Variants in CMSS1 observed in about 807,000 individuals in gnomAD.
CMSS1 encodes protein CMSS1.
In CMSS1, 33 loss-of-function variants were observed where a neutral mutation model predicts 43.5. The ratio of observed to expected loss-of-function variants is 0.76; its 90% CI spans 0.57 to 1.01. The LOEUF is 1.01. Ranked by LOEUF, CMSS1 falls within the 50% of genes least tolerant of loss-of-function variation. CMSS1 has a pLI of 0.00. For synonymous variants in CMSS1, 115 were observed against 117.2 expected, an observed-to-expected ratio of 0.98 and a Z score of 0.12; for missense variants, 313 against 326.4, an observed-to-expected ratio of 0.96 and a Z score of 0.32.
At chr3:99,893,108 A>G (rs1706137924) in intron 1 of CMSS1, among the ~76,000 whole-genome samples, 1 of 151,044 alleles carries the variant, frequency 6.6e-6, no homozygotes, top group African/African-American at 2.4e-5. Flanking sequence ...TTTTTAGAAG[A>G]CACCTTTCTG....
At chr3:100,128,872 A>T (rs2066683649) in intron 1 of CMSS1, among the ~76,000 whole-genome samples, 2 of 152,256 alleles carry the variant, frequency 1.3e-5, no homozygotes, top group African/African-American at 4.8e-5. Context: ...CTACTGTATG[A>T]ATATGCCATC....
At chr3:99,897,691 A>G (rs940354596) in intron 1 of CMSS1, among the ~76,000 whole-genome samples, 1 of 152,180 alleles carries the variant, frequency 6.6e-6, no homozygotes, top group African/African-American at 2.4e-5. Flanking sequence ...GGAAGCAATG[A>G]GGTTCTGAGC....
chr3:100,061,811 C>G (rs2065571518), intron 1 of CMSS1, among the ~76,000 whole-genome samples: 1 of 152,178 alleles, frequency 6.6e-6, no homozygotes, highest in Non-Finnish European at 1.5e-5. Context: ...ATATCAGAGG[C>G]AAGATTTGAA....
intron 1 of CMSS1, among the ~76,000 whole-genome samples, chr3:100,064,773 A>G (rs1275787364): frequency 1.3e-5 from 2 of 152,146 alleles, no homozygotes; most frequent in Non-Finnish European, 2.9e-5. Flanking sequence ...GTTGCTGTCT[A>G]CTACATGAGA....
At chr3:100,081,520 A>G (rs1260547065) in intron 1 of CMSS1, among the ~76,000 whole-genome samples, 1 of 152,176 alleles carries the variant, frequency 6.6e-6, no homozygotes, top group Non-Finnish European at 1.5e-5. Flanking sequence ...ATCTCTGTGG[A>G]TAGCTCAGGG....
chr3:100,039,904 C>T lies in CMSS1; in HGVS notation c.65-107069C>T, dbSNP rs2065175276. 2.0e-5 allele frequency: 3 copies of T among 152,190 alleles called. No homozygotes were observed. In the South Asian group the frequency reaches 6.2e-4, roughly 31 times the overall value. The allele number at this position is 152,190 out of a possible 1,614,324, so 9.4% of individuals were successfully genotyped here. A position where few individuals can be genotyped will look rare whatever the true frequency, so the allele number is the denominator to read the frequency against. On this transcript the variant is annotated intron_variant, in intron 1 of 9. Coordinates refer to ENST00000421999, the MANE Select transcript of CMSS1 (RefSeq NM_032359.4). Reference sequence around the variant, plus strand: ...GAGTAGCTGGGACTACAGACGCCCGCCACCATGCCCGGCTAATTTTTTGTA... The same window carrying T: ...GAGTAGCTGGGACTACAGACGCCCGTCACCATGCCCGGCTAATTTTTTGTA...
At chr3:100,136,727 G>A (rs1439087873) in intron 1 of CMSS1, among the ~76,000 whole-genome samples, 1 of 152,202 alleles carries the variant, frequency 6.6e-6, no homozygotes, top group Admixed American at 6.5e-5. Context: ...AGGATAAAGT[G>A]AGAACAGGCA....
chr3:99,887,873 C>CT (rs1481697325), intron 1 of CMSS1, among the ~76,000 whole-genome samples: 2 of 152,058 alleles, frequency 1.3e-5, no homozygotes, highest in Non-Finnish European at 2.9e-5. Context: ...TCCCAAGTAG[C>CT]TGGGACTACA....
At chr3:99,880,214 A>G (rs1308307521) in intron 1 of CMSS1, among the ~76,000 whole-genome samples, 2 of 151,702 alleles carry the variant, frequency 1.3e-5, no homozygotes, top group Admixed American at 6.6e-5. Context: ...TTTCTAATCA[A>G]CCTCATTTCT....
chr3:100,117,850 T>C (rs1267597524), intron 1 of CMSS1, among the ~76,000 whole-genome samples: 5 of 94,544 alleles, frequency 5.3e-5, no homozygotes, highest in African/African-American at 1.4e-4. Flanking sequence ...TATATATATA[T>C]ATACATATAT....
intron 1 of CMSS1, among the ~76,000 whole-genome samples, chr3:100,032,853 T>C (rs2065042982): frequency 1.3e-5 from 2 of 152,204 alleles, no homozygotes; most frequent in Admixed American, 6.6e-5. Context: ...TTTTTTGAGC[T>C]GCTACTATTT....
intron 1 of CMSS1, chr3:100,011,791 G>A (rs1354225131): frequency 6.6e-6 from 1 of 152,200 alleles, no homozygotes; most frequent in Non-Finnish European, 1.5e-5. Context: ...AAAACACTGT[G>A]TTTTGGTTGA....
intron 1 of CMSS1, among the ~76,000 whole-genome samples, chr3:100,109,052 T>A (rs2066441764): frequency 6.6e-6 from 1 of 151,322 alleles, no homozygotes; most frequent in Non-Finnish European, 1.5e-5. Context: ...TTGAGTTTTC[T>A]GGGTTCTACA....
In CMSS1 at chr3:100,167,901, C is replaced by G. The variant is rs1217830514; in HGVS notation, c.518+61C>G. The G allele has an allele frequency of 5.4e-6, 6 of 1,109,660 alleles. No homozygotes were observed. The South Asian group carries it at 8.5e-5, about 16-fold the overall frequency. 68.7% of individuals were successfully genotyped at this position (1,109,660 alleles called of 1,614,324 possible). A position where few individuals can be genotyped will look rare whatever the true frequency, so the allele number is the denominator to read the frequency against. On this transcript the variant is annotated intron_variant, in intron 6 of 9. Coordinates refer to ENST00000421999, the MANE Select transcript of CMSS1 (RefSeq NM_032359.4). ...TTCTGAATAACTGATATATGCCAAG[C>G]TATTATGTTCTATGTGCTGGAGATG...
chr3:100,135,718 C>T (rs1310615833), intron 1 of CMSS1, among the ~76,000 whole-genome samples: 1 of 148,682 alleles, frequency 6.7e-6, no homozygotes, highest in Non-Finnish European at 1.5e-5. Flanking sequence ...TAGAAAATAA[C>T]CATTAAGTTT....
intron 1 of CMSS1, among the ~76,000 whole-genome samples, chr3:99,846,062 C>G (rs1389098076): frequency 1.3e-5 from 2 of 152,150 alleles, no homozygotes; most frequent in South Asian, 2.1e-4. Context: ...GAAATTGAAT[C>G]CTTTCAAAAT....
chr3:100,082,505 A>T (rs1478049944), intron 1 of CMSS1, among the ~76,000 whole-genome samples: 1 of 152,194 alleles, frequency 6.6e-6, no homozygotes, highest in African/African-American at 2.4e-5. Flanking sequence ...ATTCGTTTCC[A>T]GGAATCTCTT....
chr3:100,035,492 C>T lies in CMSS1; in HGVS notation c.65-111481C>T, dbSNP rs192557712. 4.7e-3 allele frequency among the ~76,000 whole-genome samples: 713 copies of T among 152,188 alleles called. 1 individual carries two copies. Among genetic ancestry groups the T allele is most frequent in the Non-Finnish European group, 8.4e-3 (568 of 68,006 alleles). On this transcript the variant is annotated intron_variant, in intron 1 of 9. Transcript: ENST00000421999. ...TTCACCATGTTGGCCAGGCTGGTCT[C>T]GAACTCCTGATCCACCCGCCTCAGC...
chr3:99,972,433 T>C (rs979102223), intron 1 of CMSS1, among the ~76,000 whole-genome samples: 16 of 152,318 alleles, frequency 1.1e-4, no homozygotes, highest in Non-Finnish European at 2.1e-4. Flanking sequence ...ATCGGAAACG[T>C]CCCCGTCCCC....
Sources: allele counts gnomAD v4.1 joint callset (sites outside exome capture counted in the v4.1 genomes callset), GRCh38; gene constraint gnomAD v4.1.1; transcripts MANE v1.5; gene names NCBI Gene and HGNC (gene_info 2026-07-23, HGNC 2026-07-21).